SIK2: variants seen among roughly 807,000 people sequenced by gnomAD.
SIK2 encodes the protein salt inducible kinase 2, also known as serine/threonine-protein kinase SIK2.
SIK2 carries 29 observed loss-of-function variants against 103.2 expected under a neutral mutation model. The ratio of observed to expected loss-of-function variants is 0.28; its 90% CI spans 0.21 to 0.38. The LOEUF (loss-of-function observed/expected upper bound fraction) is 0.38. SIK2 is among the 10% of genes least tolerant of loss of function. The probability of loss-of-function intolerance (pLI) is 1.00; values close to 1 mark genes in which losing one functional copy is unlikely to be tolerated. For synonymous variants in SIK2, 412 were observed against 446.1 expected (o/e 0.92, Z 0.96); for missense variants, 879 against 1,171.0 (o/e 0.75, Z 3.64).
chr11:111,628,903 G>T (rs929970035), intron 3 of SIK2, among the ~76,000 whole-genome samples: 4 of 152,094 alleles, frequency 2.6e-5, no homozygotes, highest in Non-Finnish European at 5.9e-5. Context: ...ATAAAGACCA[G>T]TTGTGGGAAA....
intron 3 of SIK2, chr11:111,671,568 G>C: frequency 3.1e-6 from 1 of 327,262 alleles, no homozygotes; most frequent in South Asian, 3.0e-5. Flanking sequence ...TGGCCTGGCT[G>C]TGATTGGAGA....
chr11:111,672,125 C>A (rs774907073), intron 3 of SIK2: 8 of 454,800 alleles, frequency 1.8e-5, no homozygotes, highest in South Asian at 1.4e-4. Flanking sequence ...TGGTTACACA[C>A]GGCCTGGATG....
At chr11:111,642,186 T>C (rs12281303) in intron 3 of SIK2, among the ~76,000 whole-genome samples, 4,283 of 152,194 alleles carry the variant, frequency 0.028, 198 homozygotes, top group African/African-American at 0.096. Context: ...ACCAACTGAG[T>C]GTCCTAGAAT....
rs113694756 is a variant in SIK2, at chr11:111,602,901, C to T, written c.135+203C>T. On this transcript the variant is annotated intron_variant, in intron 1 of 14. Coordinates refer to ENST00000304987, the MANE Select transcript of SIK2 (RefSeq NM_015191.3). The surrounding 1 kb of genome is among the most constrained non-coding windows in gnomAD (Gnocchi z 4.5). ...AAGGGATCGGGCCCGGGCACCCGGA[C>T]CCGAGTGTCGTCCGACTGGAAACGC... is the stretch of plus-strand genomic sequence containing the variant. Among the ~76,000 whole-genome samples the T allele has an allele frequency of 1.2e-3, 187 of 152,222 alleles. 2 individuals carry two copies. The highest frequency in any genetic ancestry group is 4.3e-3 in the African/African-American group (179 of 41,546).
intron 4 of SIK2, among the ~76,000 whole-genome samples, chr11:111,696,915 A>G (rs1013989981): frequency 6.6e-6 from 1 of 152,170 alleles, no homozygotes; most frequent in Non-Finnish European, 1.5e-5. Context: ...CCACTTCACT[A>G]TATGCATTTA....
chr11:111,640,883 C>T (rs1014058288), intron 3 of SIK2, among the ~76,000 whole-genome samples: 2 of 151,476 alleles, frequency 1.3e-5, no homozygotes, highest in Admixed American at 6.6e-5. Context: ...TACAGGCCCC[C>T]GCTACCACCC....
In SIK2 at chr11:111,723,512, C is replaced by T. The variant is rs1308819916; in HGVS notation, c.2164C>T (p.Leu722Phe). 1 of 1,602,788 alleles carries T rather than the reference C, an allele frequency of 6.2e-7. No individual in the cohort carries two copies. The highest frequency in any genetic ancestry group is 8.5e-7 in the Non-Finnish European group (1 of 1,172,730). The change falls in exon 15 of 15, where the codon CTC (leucine) becomes TTC (phenylalanine). Residue 722 changes from leucine (L) to phenylalanine (F), a missense_variant. Leu to Phe is a conservative substitution (Grantham distance 22, BLOSUM62 0). This residue lies in a region of SIK2 where 375 missense variants were observed against 416.3 expected (regional missense o/e 0.90). Coordinates refer to ENST00000304987, the MANE Select transcript of SIK2 (RefSeq NM_015191.3). Reference protein sequence around the residue: ...LQEHRLQQKRLFLQKQSQLQA... With the variant: ...LQEHRLQQKRFFLQKQSQLQA... The stretch of plus-strand genomic sequence containing the variant: ...CCAATTTAGGCTCCAGCAGAAGCGA[C>T]TCTTTCTTCAGAAGCAGTCTCAACT...
At chr11:111,630,485 C>T (rs1942022874) in intron 3 of SIK2, among the ~76,000 whole-genome samples, 1 of 151,430 alleles carries the variant, frequency 6.6e-6, no homozygotes, top group South Asian at 2.1e-4. Context: ...TTCAGTAAAT[C>T]CTTGTCTCTC....
intron 1 of SIK2, among the ~76,000 whole-genome samples, chr11:111,605,447 G>T (rs1454931717): frequency 6.6e-6 from 1 of 152,080 alleles, no homozygotes; most frequent in African/African-American, 2.4e-5. Flanking sequence ...AGTTTTCATG[G>T]CAGAACATAC....
At position 111,688,414 on chromosome 11, in the gene SIK2, G is replaced by T. The variant is rs889596294; in HGVS notation, c.478+252G>T. Among the ~76,000 whole-genome samples, 1 of 152,176 alleles carries T rather than the reference G, an allele frequency of 6.6e-6. No homozygotes were observed. The highest frequency in any genetic ancestry group is 1.5e-5 in the Non-Finnish European group (1 of 68,034). ...CCAGATTCCATTGGCAGGGTTTCGG[G>T]GTGCTCTGCTGGAAGAGGTACATTT... is the stretch of plus-strand genomic sequence containing the variant. On this transcript the variant is annotated intron_variant, in intron 4 of 14. Transcript: ENST00000304987. This position sits in a 1 kb window ranked among gnomAD's most constrained non-coding sequence, Gnocchi z 4.2.
intron 8 of SIK2, among the ~76,000 whole-genome samples, chr11:111,710,185 A>T (rs1359511561): frequency 6.6e-6 from 1 of 152,236 alleles, no homozygotes; most frequent in African/African-American, 2.4e-5. Context: ...CTAGATAAAA[A>T]TTTTACATAG....
At chr11:111,629,984 A>G (rs984310607) in intron 3 of SIK2, among the ~76,000 whole-genome samples, 18 of 152,216 alleles carry the variant, frequency 1.2e-4, no homozygotes, top group African/African-American at 4.3e-4. Flanking sequence ...AAGAAAAATG[A>G]AAACAAGTGT....
intron 4 of SIK2, among the ~76,000 whole-genome samples, chr11:111,700,668 T>G (rs781060270): frequency 2.0e-5 from 3 of 152,202 alleles, no homozygotes; most frequent in Non-Finnish European, 4.4e-5. Flanking sequence ...GGAAGAAAAC[T>G]TGATTCATTT....
chr11:111,713,690 C>T (rs1227976126), intron 9 of SIK2, among the ~76,000 whole-genome samples: 3 of 152,134 alleles, frequency 2.0e-5, no homozygotes, highest in Non-Finnish European at 4.4e-5. Flanking sequence ...AAATATGGGC[C>T]GGGCATGGTG....
Position 111,610,336 on chromosome 11 carries a change from A to G in SIK2, c.136-5907A>G, listed in dbSNP as rs1591585611. Among the ~76,000 whole-genome samples, 5 of 152,178 alleles carry G rather than the reference A, an allele frequency of 3.3e-5. No individual in the cohort carries two copies. In the South Asian group the frequency reaches 1.0e-3, roughly 32 times the overall value. ...GAAACCCCATCTCTACTAAAAATAC[A>G]GAAATTAGCCTGGCGTGGTGGTGCA... On this transcript the variant is annotated intron_variant, in intron 1 of 14. Transcript: ENST00000304987.
In SIK2 at chr11:111,701,639, G is replaced by A; in HGVS notation, c.727+64G>A. The A allele has an allele frequency of 6.5e-7, 1 of 1,547,946 alleles. No homozygotes were observed. The highest frequency in any genetic ancestry group is 8.7e-7 in the Non-Finnish European group (1 of 1,144,346). On this transcript the variant is annotated intron_variant, in intron 6 of 14. Transcript: ENST00000304987. The surrounding 1 kb of genome is among the most constrained non-coding windows in gnomAD (Gnocchi z 4.2). ...GTTAGTGCTCCAAGTGAAATGCCTA[G>A]GTAAAAGCTTCTTTTTTTCTAAGAG...
chr11:111,654,659 A>G (rs979272958), intron 3 of SIK2, among the ~76,000 whole-genome samples: 12 of 152,224 alleles, frequency 7.9e-5, no homozygotes, highest in African/African-American at 2.7e-4. Context: ...TGAGATAAGC[A>G]TCTCAAGTAG....
chr11:111,688,276 C>A lies in SIK2; in HGVS notation c.478+114C>A. ...AGCATTTCTACCTGATGACATCAGG[C>A]TATCTCAAAGTCCATTTTATTCATT... On this transcript the variant is annotated intron_variant, in intron 4 of 14. Transcript: ENST00000304987. The surrounding 1 kb of genome is among the most constrained non-coding windows in gnomAD (Gnocchi z 4.2). 1 of 1,026,162 alleles carries A rather than the reference C, an allele frequency of 9.7e-7. No individual in the cohort carries two copies. The highest frequency in any genetic ancestry group is 1.5e-5 in the South Asian group (1 of 65,442). 63.6% of individuals were successfully genotyped at this position (1,026,162 alleles called of 1,614,324 possible).
chr11:111,717,694 A>G (rs1287904917), intron 9 of SIK2, among the ~76,000 whole-genome samples: 2 of 152,222 alleles, frequency 1.3e-5, no homozygotes, highest in Non-Finnish European at 2.9e-5. Context: ...AATCAACCCA[A>G]ATGCCCATCA....
Sources: allele counts gnomAD v4.1 joint callset (sites outside exome capture counted in the v4.1 genomes callset), GRCh38; gene constraint gnomAD v4.1.1; regional missense constraint gnomAD v4.1.1; non-coding constraint Gnocchi (gnomAD v3.1); transcripts MANE v1.5; gene names NCBI Gene and HGNC (gene_info 2026-07-23, HGNC 2026-07-21).